Variants in MAML2 observed in about 807,000 individuals in gnomAD.
MAML2 encodes the protein mastermind like transcriptional coactivator 2.
A neutral mutation model predicts 96.1 loss-of-function variants in MAML2; 22 were observed. That is an observed-to-expected ratio of 0.23 (90% CI 0.16 to 0.33). The LOEUF is 0.33. MAML2 is among the 10% of genes least tolerant of loss of function. The pLI is 1.00. For synonymous variants in MAML2, 561 were observed against 521.3 expected (o/e 1.08, Z -1.04); for missense variants, 1,367 against 1,392.4 (o/e 0.98, Z 0.29).
At chr11:96,288,559 A>C (rs1042326906) in intron 1 of MAML2, among the ~76,000 whole-genome samples, 2 of 151,894 alleles carry the variant, frequency 1.3e-5, no homozygotes, top group East Asian at 3.9e-4. Flanking sequence ...AAAAAAAAAA[A>C]AACAACCAAA....
chr11:96,326,359 GTGT>G (rs1863779567), intron 1 of MAML2, among the ~76,000 whole-genome samples: 1 of 33,270 alleles, frequency 3.0e-5, no homozygotes, highest in Non-Finnish European at 6.0e-5. Flanking sequence ...ACACTAAAGC[GTGT>G]GTGTGTGTGT....
intron 1 of MAML2, among the ~76,000 whole-genome samples, chr11:96,241,462 T>C (rs1472326268): frequency 6.6e-6 from 1 of 152,248 alleles, no homozygotes. Flanking sequence ...GAGATATTTT[T>C]AACTTTTGTA....
intron 1 of MAML2, among the ~76,000 whole-genome samples, chr11:96,178,293 T>C (rs1861426593): frequency 6.6e-6 from 1 of 152,076 alleles, no homozygotes. Context: ...GATGAGGACA[T>C]GGTTTCACAT....
intron 4 of MAML2, among the ~76,000 whole-genome samples, chr11:95,981,368 C>G (rs529327102): frequency 6.6e-6 from 1 of 152,048 alleles, no homozygotes; most frequent in Non-Finnish European, 1.5e-5. Context: ...AAAGTCATCA[C>G]GAGGAAATAT....
intron 1 of MAML2, among the ~76,000 whole-genome samples, chr11:96,150,317 T>A (rs920549266): frequency 6.6e-6 from 1 of 152,182 alleles, no homozygotes; most frequent in Non-Finnish European, 1.5e-5. Flanking sequence ...TACACAGTGC[T>A]TGGATATGAG....
intron 1 of MAML2, among the ~76,000 whole-genome samples, chr11:96,195,541 G>A (rs139854065): frequency 8.5e-5 from 13 of 152,170 alleles, no homozygotes; most frequent in African/African-American, 3.1e-4. Flanking sequence ...GTGCCTTCTG[G>A]GTGTCTGTTT....
chr11:96,042,744 CTTTT>C, intron 2 of MAML2, among the ~76,000 whole-genome samples: 1 of 116,222 alleles, frequency 8.6e-6, no homozygotes, highest in African/African-American at 3.3e-5. Context: ...CGTTAACGTT[CTTTT>C]TTTTTTTTTT....
chr11:96,047,146 T>C (rs1858914919), intron 2 of MAML2, among the ~76,000 whole-genome samples: 1 of 152,242 alleles, frequency 6.6e-6, no homozygotes, highest in Non-Finnish European at 1.5e-5. Flanking sequence ...GACAGGAGTA[T>C]AGTGTCCACA....
intron 1 of MAML2, among the ~76,000 whole-genome samples, chr11:96,109,562 A>G (rs1020843929): frequency 6.6e-6 from 1 of 152,184 alleles, no homozygotes; most frequent in African/African-American, 2.4e-5. Flanking sequence ...GAAACCAAAC[A>G]AAGTTTATGA....
Position 96,220,203 on chromosome 11 carries a change from G to A in MAML2, c.513+121180C>T, listed in dbSNP as rs191054453. Among the ~76,000 whole-genome samples, 4 of 152,220 alleles carry A rather than the reference G, an allele frequency of 2.6e-5. 1 individual carries two copies. Among genetic ancestry groups the A allele is most frequent in the Middle Eastern group, 6.8e-3 (2 of 292 alleles). The stretch of plus-strand genomic sequence containing the variant: ...CCTTGCTGTCTAGAGAAGGGGGTGG[G>A]GGAACACTGCCTGTAAACAAATGAG... On this transcript the variant is annotated intron_variant, in intron 1 of 4. Transcript: ENST00000524717.
chr11:96,169,659 C>CTTTT (rs5793784), intron 1 of MAML2, among the ~76,000 whole-genome samples: 14 of 144,888 alleles, frequency 9.7e-5, no homozygotes, highest in Non-Finnish European at 1.2e-4. Context: ...AGAAAGTAAA[C>CTTTT]TTTTTTTTTT....
At chr11:96,002,721 TG>T (rs58526583) in intron 2 of MAML2, among the ~76,000 whole-genome samples, 138,578 of 138,896 alleles carry the variant, frequency 1, 69,132 homozygotes, top group Middle Eastern at 1. Context: ...AGGAGGACGA[TG>T]GGGGATGATA....
At chr11:96,167,293 G>A (rs1021857931) in intron 1 of MAML2, among the ~76,000 whole-genome samples, 5 of 150,718 alleles carry the variant, frequency 3.3e-5, no homozygotes, top group East Asian at 4.0e-4. Context: ...TGGCCTGTGC[G>A]GTAGCTCAGA....
intron 1 of MAML2, among the ~76,000 whole-genome samples, chr11:96,179,150 C>A (rs1230883079): frequency 6.6e-6 from 1 of 152,142 alleles, no homozygotes; most frequent in Admixed American, 6.5e-5. Context: ...CATGTTGTGA[C>A]AATGACCTTA....
chr11:96,178,804 G>T (rs1214519171), intron 1 of MAML2, among the ~76,000 whole-genome samples: 1 of 152,114 alleles, frequency 6.6e-6, no homozygotes, highest in Non-Finnish European at 1.5e-5. Flanking sequence ...ACTTGAACAC[G>T]GATTAGATGT....
At chr11:96,177,619 C>T (rs2135906945) in intron 1 of MAML2, among the ~76,000 whole-genome samples, 1 of 152,296 alleles carries the variant, frequency 6.6e-6, no homozygotes, top group East Asian at 1.9e-4. Context: ...TAGAAATATA[C>T]TCTTTTTCAT....
At chr11:96,293,088 G>A (rs143721324) in intron 1 of MAML2, among the ~76,000 whole-genome samples, 33 of 152,250 alleles carry the variant, frequency 2.2e-4, no homozygotes, top group African/African-American at 7.5e-4. Flanking sequence ...TCTTAGACAT[G>A]CATACATTTT....
chr11:96,225,375 C>A lies in MAML2; in HGVS notation c.513+116008G>T, dbSNP rs541819867. Among the ~76,000 whole-genome samples the A allele has an allele frequency of 3.9e-5, 6 of 152,338 alleles. No individual in the cohort carries two copies. The East Asian group carries it at 1.2e-3, about 29-fold the overall frequency. ...CAGCCTTTGGAAGCAGATCTTCCAT[C>A]TCTATTCATGCTTCAGATGATAGCC... On this transcript the variant is annotated intron_variant, in intron 1 of 4. Transcript: ENST00000524717.
chr11:96,194,170 T>C (rs1441818264), intron 1 of MAML2, among the ~76,000 whole-genome samples: 2 of 152,154 alleles, frequency 1.3e-5, no homozygotes, highest in South Asian at 2.1e-4. Flanking sequence ...AGGTGGTCAG[T>C]TCAATACATT....
Sources: gnomAD v4.1 joint callset for allele counts (sites outside exome capture counted in the v4.1 genomes callset) on GRCh38, gnomAD v4.1.1 for gene constraint, MANE v1.5 for transcripts, NCBI Gene and HGNC (gene_info 2026-07-23, HGNC 2026-07-21) for gene names.